The following DOCK4 variants were observed in gnomAD, a reference collection of about 807,000 sequenced individuals.
DOCK4 encodes dedicator of cytokinesis 4.
DOCK4 carries 97 observed loss-of-function variants against 268.1 expected under a neutral mutation model. That is an observed-to-expected ratio of 0.36 (90% CI 0.31 to 0.43). The LOEUF (loss-of-function observed/expected upper bound fraction) is 0.43, where lower values mean the gene tolerates loss of function less well. Ranked by LOEUF, DOCK4 falls within the 20% of genes least tolerant of loss-of-function variation. The pLI is 1.00. For missense variants in DOCK4, 2,145 were observed against 2,455.7 expected, an observed-to-expected ratio of 0.87 and a Z score of 2.67; for synonymous variants, 954 against 887.2, an observed-to-expected ratio of 1.08 and a Z score of -1.34.
chr7:111,906,820 C>A (rs184515488), intron 13 of DOCK4, among the ~76,000 whole-genome samples: 1 of 152,118 alleles, frequency 6.6e-6, no homozygotes, highest in Non-Finnish European at 1.5e-5. Context: ...CTTCCACAAG[C>A]TGGAAAAGGC....
intron 28 of DOCK4, 114 bp from the exon 29 acceptor site, chr7:111,809,515 G>A: frequency 1.3e-6 from 1 of 783,560 alleles, no homozygotes; most frequent in Non-Finnish European, 2.1e-6. Flanking sequence ...GTTGAAGTAA[G>A]ACTGACCATG....
intron 16 of DOCK4, among the ~76,000 whole-genome samples, chr7:111,887,146 C>T (rs1807916455): frequency 1.3e-5 from 2 of 152,114 alleles, no homozygotes; most frequent in Admixed American, 1.3e-4. Context: ...AGTCATGCAA[C>T]CAACTATTTA....
intron 1 of DOCK4, among the ~76,000 whole-genome samples, chr7:112,030,552 G>T (rs1425067434): frequency 6.6e-6 from 1 of 151,714 alleles, no homozygotes; most frequent in African/African-American, 2.4e-5. Flanking sequence ...TAGTTTGAGG[G>T]TTACAGGCCC....
intron 1 of DOCK4, among the ~76,000 whole-genome samples, chr7:112,140,775 T>C (rs2116268374): frequency 6.6e-6 from 1 of 152,110 alleles, no homozygotes; most frequent in Non-Finnish European, 1.5e-5. Flanking sequence ...TTTGGGAGAA[T>C]TCCTTTTAAG....
intron 11 of DOCK4, among the ~76,000 whole-genome samples, chr7:111,939,429 G>A (rs1386739975): frequency 6.6e-6 from 1 of 150,812 alleles, no homozygotes; most frequent in African/African-American, 2.4e-5. Flanking sequence ...GCAGGAGAAT[G>A]GCGTGAACCC....
At chr7:112,171,515 A>T (rs1844184549) in intron 1 of DOCK4, among the ~76,000 whole-genome samples, 1 of 152,030 alleles carries the variant, frequency 6.6e-6, no homozygotes, top group African/African-American at 2.4e-5. Flanking sequence ...TCCATGGAAA[A>T]ATCACATAAT....
rs551073320 is a variant in DOCK4, at chr7:112,049,709, T to C, written c.38-45578A>G. ...ATTAGCCAAAAGAAAGCTGGAGTAG[T>C]TATATTAACATCAGACAAAGTAGAT... On this transcript the variant is annotated intron_variant, in intron 1 of 52. Transcript: ENST00000428084. Among the ~76,000 whole-genome samples, 6 of 152,256 alleles carry C rather than the reference T, an allele frequency of 3.9e-5. No homozygotes were observed. In the East Asian group the frequency reaches 1.2e-3, roughly 29 times the overall value.
At chr7:112,048,019 T>G (rs1804976441) in intron 1 of DOCK4, among the ~76,000 whole-genome samples, 1 of 152,130 alleles carries the variant, frequency 6.6e-6, no homozygotes, top group Non-Finnish European at 1.5e-5. Context: ...ACAACATCAG[T>G]GATCTGTGAG....
At chr7:112,023,227 T>G (rs560788603) in intron 1 of DOCK4, among the ~76,000 whole-genome samples, 1 of 152,276 alleles carries the variant, frequency 6.6e-6, no homozygotes, top group African/African-American at 2.4e-5. Flanking sequence ...CGTGTCCAGC[T>G]GAGAAGCCTT....
At chr7:111,877,303 A>C (rs1271473065) in intron 16 of DOCK4, 117 bp from the exon 17 acceptor site, 1 of 950,830 alleles carries the variant, frequency 1.1e-6, no homozygotes. Flanking sequence ...CAGTATTACA[A>C]GTAGAATTTG....
intron 2 of DOCK4, among the ~76,000 whole-genome samples, chr7:112,001,250 A>C (rs189766409): frequency 8.5e-5 from 13 of 152,292 alleles, no homozygotes; most frequent in Non-Finnish European, 5.9e-5. Flanking sequence ...CTCATGGTCA[A>C]CCTGGGTGCA....
chr7:112,197,845 T>C (rs1233664380), intron 1 of DOCK4, among the ~76,000 whole-genome samples: 1 of 152,006 alleles, frequency 6.6e-6, no homozygotes, highest in Non-Finnish European at 1.5e-5. Flanking sequence ...TCTTTTTTGG[T>C]GCAGACTCAC....
intron 1 of DOCK4, among the ~76,000 whole-genome samples, chr7:112,037,212 A>G (rs1803882144): frequency 6.6e-6 from 1 of 152,204 alleles, no homozygotes; most frequent in South Asian, 2.1e-4. Context: ...CTGTAGGTCA[A>G]TGTAAGTTTT....
At chr7:112,058,650 T>C (rs1038630824) in intron 1 of DOCK4, among the ~76,000 whole-genome samples, 7 of 152,110 alleles carry the variant, frequency 4.6e-5, no homozygotes, top group Non-Finnish European at 8.8e-5. Flanking sequence ...AGAGCCTTGA[T>C]TGTGGGTTTG....
intron 36 of DOCK4, among the ~76,000 whole-genome samples, chr7:111,774,158 GA>G (rs2133703533): frequency 6.6e-6 from 1 of 152,208 alleles, no homozygotes; most frequent in South Asian, 2.1e-4. Context: ...AAAACAGTTT[GA>G]TAGGTACTTT....
At chr7:112,201,013 G>C (rs1485202401) in intron 1 of DOCK4, among the ~76,000 whole-genome samples, 1 of 151,942 alleles carries the variant, frequency 6.6e-6, no homozygotes, top group African/African-American at 2.4e-5. Context: ...ATTCCAAGCA[G>C]AACATTATTA....
In DOCK4 at chr7:112,008,583, A is replaced by G. The variant is rs1293193092; in HGVS notation, c.38-4452T>C. Among the ~76,000 whole-genome samples the G allele has an allele frequency of 4.6e-5, 7 of 152,356 alleles. No homozygotes were observed. In the Middle Eastern group the frequency reaches 0.01, roughly 222 times the overall value. ...AATGGGGACTCATTCCTTGGTTTCA[A>G]TGATGCTATTTGCTCATGCCAAGAA... On this transcript the variant is annotated intron_variant, in intron 1 of 52. Transcript: ENST00000428084.
chr7:112,069,782 C>T (rs575207357), intron 1 of DOCK4, among the ~76,000 whole-genome samples: 4 of 152,066 alleles, frequency 2.6e-5, no homozygotes, highest in Admixed American at 1.3e-4. Flanking sequence ...AGATCCACTG[C>T]ATTAAAAAAG....
At chr7:112,080,044 T>C (rs780483000) in intron 1 of DOCK4, among the ~76,000 whole-genome samples, 1 of 152,166 alleles carries the variant, frequency 6.6e-6, no homozygotes, top group Non-Finnish European at 1.5e-5. Context: ...CTTAGTTATC[T>C]AAATTAATTT....
Sources: allele counts gnomAD v4.1 joint callset (sites outside exome capture counted in the v4.1 genomes callset), GRCh38; gene constraint gnomAD v4.1.1; transcripts MANE v1.5; gene names NCBI Gene and HGNC (gene_info 2026-07-23, HGNC 2026-07-21).